The following LRP1B variants were observed in gnomAD, a reference collection of about 807,000 sequenced individuals.
LRP1B encodes low-density lipoprotein receptor-related protein 1B.
A neutral mutation model predicts 556.6 loss-of-function variants in LRP1B; 217 were observed. That is an observed-to-expected ratio of 0.39 (90% CI 0.35 to 0.44). LRP1B has a LOEUF of 0.44. Ranked by LOEUF, LRP1B falls within the 20% of genes least tolerant of loss-of-function variation. The probability of loss-of-function intolerance (pLI) is 1.00; values close to 1 mark genes in which losing one functional copy is unlikely to be tolerated. For synonymous variants in LRP1B, 2,047 were observed against 1,865.8 expected (o/e 1.10, Z -2.50); for missense variants, 5,053 against 5,620.8 (o/e 0.90, Z 3.23).
At chr2:141,035,219 G>T (rs1421198591) in intron 11 of LRP1B, among the ~76,000 whole-genome samples, 5 of 151,890 alleles carry the variant, frequency 3.3e-5, no homozygotes, top group Non-Finnish European at 5.9e-5. Context: ...GTGGGGGAAG[G>T]GGGGAGGGAT....
intron 11 of LRP1B, among the ~76,000 whole-genome samples, chr2:141,046,554 A>G (rs373071261): frequency 9.2e-5 from 14 of 152,236 alleles, no homozygotes; most frequent in East Asian, 5.8e-4. Context: ...AAATTTGCAA[A>G]ATGTTCTCAT....
intron 1 of LRP1B, 22 bp from the exon 2 acceptor site, chr2:141,810,423 A>T (rs1696320229): frequency 1.2e-6 from 2 of 1,611,108 alleles, no homozygotes; most frequent in Non-Finnish European, 1.7e-6. Context: ...AATGTTTCGA[A>T]ATAAAATATG....
At chr2:141,418,292 A>G (rs1203624549) in intron 3 of LRP1B, among the ~76,000 whole-genome samples, 1 of 152,070 alleles carries the variant, frequency 6.6e-6, no homozygotes, top group Non-Finnish European at 1.5e-5. Context: ...TTTTGGTATT[A>G]TATTCAAAAA....
chr2:142,121,053 T>C (rs1021092199), intron 1 of LRP1B, among the ~76,000 whole-genome samples: 1 of 152,142 alleles, frequency 6.6e-6, no homozygotes, highest in Admixed American at 6.5e-5. Context: ...AAGATTATCT[T>C]TTGCGGCTTT....
intron 15 of LRP1B, among the ~76,000 whole-genome samples, chr2:141,003,684 T>A (rs1697489005): frequency 1.3e-5 from 2 of 152,038 alleles, no homozygotes; most frequent in African/African-American, 4.8e-5. Context: ...TGTAAGCCCA[T>A]TAAACCTCTT....
chr2:140,256,801 CA>C (rs1208518477), intron 86 of LRP1B, among the ~76,000 whole-genome samples: 2 of 151,190 alleles, frequency 1.3e-5, no homozygotes, highest in South Asian at 2.1e-4. Flanking sequence ...TAAAACTCAG[CA>C]AAAAAATTTT....
rs1342125615 is a variant in LRP1B at position 140,596,776 on chromosome 2, C to T, written c.7194+1855G>A. ...CTGCTACGTATGTGGCTAGGTGTTC[C>T]CGAACAAGTACTAAACTTCTTTGTG... On this transcript the variant is annotated intron_variant, in intron 43 of 90. Transcript: ENST00000389484. 5.3e-5 allele frequency among the ~76,000 whole-genome samples: 8 copies of T among 152,180 alleles called. No individual in the cohort carries two copies. In the South Asian group the frequency reaches 6.2e-4, roughly 12 times the overall value.
chr2:141,889,956 C>T (rs1450450929), intron 1 of LRP1B, among the ~76,000 whole-genome samples: 1 of 151,920 alleles, frequency 6.6e-6, no homozygotes, highest in East Asian at 1.9e-4. Context: ...GTGACAATGC[C>T]ATTATCTTTC....
intron 1 of LRP1B, among the ~76,000 whole-genome samples, chr2:141,923,256 G>A (rs889933001): frequency 6.6e-6 from 1 of 151,680 alleles, no homozygotes; most frequent in African/African-American, 2.4e-5. Context: ...CACAAGGGAT[G>A]ATGACTTGCC....
At chr2:140,639,219 A>AG (rs1684185381) in intron 41 of LRP1B, among the ~76,000 whole-genome samples, 1 of 152,212 alleles carries the variant, frequency 6.6e-6, no homozygotes, top group Non-Finnish European at 1.5e-5. Flanking sequence ...AGTTACCTTA[A>AG]GTACCACTCC....
chr2:141,588,953 C>T (rs554273151), intron 2 of LRP1B, among the ~76,000 whole-genome samples: 1 of 151,840 alleles, frequency 6.6e-6, no homozygotes, highest in South Asian at 2.1e-4. Context: ...TTAATCATGC[C>T]AGAAAAATGT....
At chr2:141,294,638 G>T (rs1686111460) in intron 3 of LRP1B, among the ~76,000 whole-genome samples, 1 of 151,552 alleles carries the variant, frequency 6.6e-6, no homozygotes, top group Non-Finnish European at 1.5e-5. Flanking sequence ...TATTTAAAAG[G>T]CTGAGGTGGG....
rs2105193488 is a variant in LRP1B, at chr2:141,188,509, C to G, written c.925G>C (p.Val309Leu). The change falls in exon 7 of 91, where the codon GTT becomes CTT. Residue 309 changes from valine to leucine, a missense_variant. By Grantham distance (32) the Val-to-Leu change is conservative. Transcript: ENST00000389484. ...FVDHVGDRIFVCNSNGSVCVT... is the reference protein window; with the variant it reads ...FVDHVGDRIFLCNSNGSVCVT... ...CATACAGAACCGTTGGAATTACAAA[C>G]AAAGATCCGGTCACCGACATGGTCC... 6.2e-7 allele frequency: 1 copy of G among 1,612,760 alleles called. No homozygotes were observed. The highest frequency in any genetic ancestry group is 8.5e-7 in the Non-Finnish European group (1 of 1,179,250).
chr2:140,304,665 T>A (rs1683987898), intron 83 of LRP1B, among the ~76,000 whole-genome samples: 1 of 152,190 alleles, frequency 6.6e-6, no homozygotes, highest in Non-Finnish European at 1.5e-5. Context: ...TTTAGTTAGA[T>A]CCCGTTTGTC....
chr2:140,371,146 A>C (rs753698110), intron 70 of LRP1B, 33 bp downstream of exon 70: 1 of 1,348,908 alleles, frequency 7.4e-7, no homozygotes, highest in Non-Finnish European at 1.0e-6. Context: ...AATTCATGTA[A>C]TTCAAATATT....
At chr2:141,280,869 G>A (rs1202524214) in intron 3 of LRP1B, among the ~76,000 whole-genome samples, 1 of 151,930 alleles carries the variant, frequency 6.6e-6, no homozygotes, top group Admixed American at 6.5e-5. Flanking sequence ...TAGAGAGTTT[G>A]CCAAATAAAG....
intron 3 of LRP1B, among the ~76,000 whole-genome samples, chr2:141,357,397 A>G (rs947635820): frequency 6.6e-6 from 1 of 152,096 alleles, no homozygotes; most frequent in African/African-American, 2.4e-5. Context: ...TTTCCTGATT[A>G]TTTTTGTTTC....
At chr2:140,693,106 G>A (rs929484752) in intron 41 of LRP1B, among the ~76,000 whole-genome samples, 1 of 152,008 alleles carries the variant, frequency 6.6e-6, no homozygotes, top group Non-Finnish European at 1.5e-5. Context: ...ATCTGCCTCT[G>A]AGCCCTCTGT....
intron 2 of LRP1B, among the ~76,000 whole-genome samples, chr2:141,619,816 C>A (rs893374771): frequency 2.6e-5 from 4 of 152,136 alleles, no homozygotes; most frequent in African/African-American, 9.7e-5. Flanking sequence ...CTTAAGGAAG[C>A]AATACCTTCT....
Sources: allele counts gnomAD v4.1 joint callset (sites outside exome capture counted in the v4.1 genomes callset), GRCh38; gene constraint gnomAD v4.1.1; transcripts MANE v1.5; gene names NCBI Gene and HGNC (gene_info 2026-07-23, HGNC 2026-07-21).